CPAMD8: variants seen among roughly 807,000 people sequenced by gnomAD.
CPAMD8 encodes the protein C3 and PZP-like alpha-2-macroglobulin domain-containing protein 8.
A neutral mutation model predicts 224.7 loss-of-function variants in CPAMD8; 146 were observed. The ratio of observed to expected loss-of-function variants is 0.65; its 90% confidence interval spans 0.57 to 0.75. The LOEUF is 0.75. Among genes scored for constraint, CPAMD8 ranks in the 30% least tolerant of loss-of-function variants. The pLI is 0.00. For missense variants in CPAMD8, 2,301 were observed against 2,537.5 expected (o/e 0.91, Z 2.00); for synonymous variants, 966 against 1,044.6 (o/e 0.92, Z 1.45).
Position 16,893,450 on chromosome 19 carries a change from AC to A in CPAMD8, c.5427-112del, listed in dbSNP as rs933989729. The A allele has an allele frequency of 7.0e-6, 5 of 716,838 alleles. No homozygotes were observed. The African/African-American group carries it at 7.1e-5, about 10-fold the overall frequency. The allele number at this position is 716,838 out of a possible 1,614,324, so 44.4% of individuals were successfully genotyped here. ...GCTTGTAGGGTGCCAGGGGTGGGGA[AC>A]CCACCGGCCAGGGCAGCCTCAGACC... On this transcript the variant is annotated intron_variant, in intron 41 of 41. Transcript: ENST00000443236.
Position 17,022,156 on chromosome 19 carries a change from CAG to C in CPAMD8, c.116_117del (p.Ser39CysfsTer16). 1 of 1,610,440 alleles carries C rather than the reference CAG, an allele frequency of 6.2e-7. No individual in the cohort carries two copies. Among genetic ancestry groups the C allele is most frequent in the East Asian group, 2.2e-5 (1 of 44,740 alleles). ...QAPGYLIAAPSVFRAGVEEVI... is the reference protein window; with the variant it reads ...QAPGYLIAAPXVFRAGVEEVI... ...ACTTCCTCCACGCCCGCGCGAAAAA[CAG>C]AGGGAGCTGCAATCAAGTAACCCCT... On this transcript the variant is annotated frameshift_variant, in exon 2 of 42. Coordinates refer to ENST00000443236, the MANE Select transcript of CPAMD8 (RefSeq NM_015692.5). LOFTEE classifies it high-confidence loss of function.
chr19:16,978,957 TCATCCACCCACC>T (rs986175882), intron 14 of CPAMD8, among the ~76,000 whole-genome samples: 6 of 150,650 alleles, frequency 4.0e-5, no homozygotes, highest in African/African-American at 1.5e-4. Flanking sequence ...TATCCATCCA[TCATCCACCCACC>T]CATCCACCAT....
At chr19:16,938,993 A>G (rs981674809) in intron 22 of CPAMD8, among the ~76,000 whole-genome samples, 1 of 152,074 alleles carries the variant, frequency 6.6e-6, no homozygotes, top group Non-Finnish European at 1.5e-5. Flanking sequence ...CAGTCTCTTA[A>G]AAAGGGATGC....
At chr19:16,893,493 C>T (rs553004291) in intron 41 of CPAMD8, 154 bp from the exon 42 acceptor site, 6 of 581,978 alleles carry the variant, frequency 1.0e-5, no homozygotes, top group East Asian at 5.5e-5. Flanking sequence ...TCACAGGCAG[C>T]GAGGGGCCTC....
rs575996324 is a variant in CPAMD8, at chr19:16,946,432, T to C, written c.2662+642A>G. Among the ~76,000 whole-genome samples, 59 of 148,442 alleles carry C rather than the reference T, an allele frequency of 4.0e-4. 1 individual carries two copies. Among genetic ancestry groups the C allele is most frequent in the African/African-American group, 1.5e-3 (58 of 39,816 alleles). On this transcript the variant is annotated intron_variant, in intron 21 of 41. Coordinates refer to ENST00000443236, the MANE Select transcript of CPAMD8 (RefSeq NM_015692.5). Reference sequence around the variant, plus strand: ...GTGGGCATGTGTGTGGATTTGTGTGTGTGAATGCATGTCTACACATGTGGG... The same window carrying C: ...GTGGGCATGTGTGTGGATTTGTGTGCGTGAATGCATGTCTACACATGTGGG...
intron 8 of CPAMD8, among the ~76,000 whole-genome samples, chr19:17,002,909 TC>T (rs774033249): frequency 0.012 from 1,692 of 146,612 alleles, 48 homozygotes; most frequent in African/African-American, 0.04. Flanking sequence ...TCTTTTCTTT[TC>T]TTTTTTTTTT....
At chr19:16,986,237 C>T (rs2093374471) in intron 13 of CPAMD8, among the ~76,000 whole-genome samples, 1 of 152,016 alleles carries the variant, frequency 6.6e-6, no homozygotes, top group African/African-American at 2.4e-5. Context: ...CCAGCCTGGC[C>T]CCAGCATGAA....
At chr19:16,911,119 A>G (rs1422649741) in intron 29 of CPAMD8, among the ~76,000 whole-genome samples, 2 of 151,886 alleles carry the variant, frequency 1.3e-5, no homozygotes, top group East Asian at 1.9e-4. Flanking sequence ...GGGGTCCCCA[A>G]CCTCCGGGTC....
intron 22 of CPAMD8, among the ~76,000 whole-genome samples, chr19:16,939,104 G>A (rs1459682528): frequency 6.6e-6 from 1 of 152,180 alleles, no homozygotes; most frequent in Non-Finnish European, 1.5e-5. Flanking sequence ...TGGGGCAGCT[G>A]CAACCAGAAG....
intron 26 of CPAMD8, 39 bp downstream of exon 26, chr19:16,925,157 C>T: frequency 6.2e-7 from 1 of 1,608,550 alleles, no homozygotes; most frequent in South Asian, 1.1e-5. Flanking sequence ...ACCTGCCTCC[C>T]TTGCTCCCAC....
At chr19:16,973,986 C>A (rs1253374842) in intron 17 of CPAMD8, among the ~76,000 whole-genome samples, 2 of 151,736 alleles carry the variant, frequency 1.3e-5, no homozygotes, top group African/African-American at 2.4e-5. Context: ...TGCACCACCA[C>A]GCCCAGCTAA....
rs886518094 is a variant in CPAMD8, at chr19:17,011,052, G to A, written c.486+412C>T. ...AAAAAACAGAAAAAAAAATCAGCCG[G>A]GCGTGGTGGTGGGCACCTATAATCC... On this transcript the variant is annotated intron_variant, in intron 5 of 41. Coordinates refer to ENST00000443236, the MANE Select transcript of CPAMD8 (RefSeq NM_015692.5). Among the ~76,000 whole-genome samples, 4 of 152,088 alleles carry A rather than the reference G, an allele frequency of 2.6e-5. No individual in the cohort carries two copies. In the East Asian group the frequency reaches 5.8e-4, roughly 22 times the overall value.
At chr19:16,988,760 G>C (rs2055835354) in intron 13 of CPAMD8, among the ~76,000 whole-genome samples, 1 of 152,150 alleles carries the variant, frequency 6.6e-6, no homozygotes, top group Non-Finnish European at 1.5e-5. Flanking sequence ...AACCCCCAGG[G>C]CCATGGACCA....
chr19:16,951,800 GC>G (rs1206750236), intron 20 of CPAMD8, among the ~76,000 whole-genome samples, 168 bp downstream of exon 20: 1 of 151,824 alleles, frequency 6.6e-6, no homozygotes, highest in Non-Finnish European at 1.5e-5. Context: ...CCTCCCCAAA[GC>G]CCCCCAGGCT....
intron 18 of CPAMD8, among the ~76,000 whole-genome samples, chr19:16,960,704 C>T (rs906067100): frequency 3.3e-5 from 5 of 151,822 alleles, no homozygotes; most frequent in Non-Finnish European, 7.4e-5. Context: ...GAGTTCAAGA[C>T]CAGCCTGGCC....
At chr19:16,948,470 G>A (rs1158330306) in intron 20 of CPAMD8, among the ~76,000 whole-genome samples, 2 of 152,080 alleles carry the variant, frequency 1.3e-5, no homozygotes, top group Non-Finnish European at 2.9e-5. Context: ...AAAGAGGCTG[G>A]GTGCGGTGGC....
chr19:16,950,427 A>G (rs2054261547), intron 20 of CPAMD8, among the ~76,000 whole-genome samples: 1 of 152,158 alleles, frequency 6.6e-6, no homozygotes, highest in South Asian at 2.1e-4. Context: ...TCCAAGGTTG[A>G]GCTTGGATCT....
At chr19:16,906,783 C>T (rs2052534181) in intron 30 of CPAMD8, among the ~76,000 whole-genome samples, 169 bp downstream of exon 30, 1 of 152,162 alleles carries the variant, frequency 6.6e-6, no homozygotes, top group South Asian at 2.1e-4. Context: ...GATCTCTGCT[C>T]ACTGCAATCT....
intron 1 of CPAMD8, 69 bp from the exon 2 acceptor site, chr19:17,022,250 G>A: frequency 6.5e-7 from 1 of 1,539,058 alleles, no homozygotes; most frequent in South Asian, 1.2e-5. Flanking sequence ...CCACAGCTAG[G>A]TCAGGGCTCT....
Sources: gnomAD v4.1 joint callset for allele counts (sites outside exome capture counted in the v4.1 genomes callset) on GRCh38, gnomAD v4.1.1 for gene constraint, MANE v1.5 for transcripts, NCBI Gene and HGNC (gene_info 2026-07-23, HGNC 2026-07-21) for gene names.